The following FRMD4A variants were observed in gnomAD, a reference collection of about 807,000 sequenced individuals.
FRMD4A encodes the protein FERM domain-containing protein 4A.
A neutral mutation model predicts 129.1 loss-of-function variants in FRMD4A; 29 were observed. The observed-to-expected ratio is 0.22, with a 90% CI of 0.17 to 0.31. FRMD4A has a LOEUF of 0.31. Among genes scored for constraint, FRMD4A ranks in the 10% least tolerant of loss-of-function variants. The pLI is 1.00. For missense variants in FRMD4A, 1,272 were observed against 1,375.8 expected (o/e 0.92, Z 1.19); for synonymous variants, 634 against 571.6 (o/e 1.11, Z -1.56).
intron 2 of FRMD4A, among the ~76,000 whole-genome samples, chr10:14,272,763 T>C (rs1014263076): frequency 2.0e-5 from 3 of 152,202 alleles, no homozygotes; most frequent in Admixed American, 6.5e-5. Flanking sequence ...TCCTTGAAGG[T>C]GGTCAGGAAT....
chr10:14,048,372 T>A (rs1242008048), intron 2 of FRMD4A, among the ~76,000 whole-genome samples: 1 of 152,392 alleles, frequency 6.6e-6, no homozygotes, highest in African/African-American at 2.4e-5. Flanking sequence ...CGTCTCATTT[T>A]GTGGGACTGA....
At chr10:13,749,259 C>A (rs2091449180) in intron 8 of FRMD4A, among the ~76,000 whole-genome samples, 3 of 152,192 alleles carry the variant, frequency 2.0e-5, no homozygotes, top group Admixed American at 2.0e-4. Flanking sequence ...ATGTTAGCAG[C>A]TTCGAGGTTG....
At chr10:13,975,896 C>T (rs555228181) in intron 2 of FRMD4A, among the ~76,000 whole-genome samples, 1 of 152,272 alleles carries the variant, frequency 6.6e-6, no homozygotes, top group South Asian at 2.1e-4. Context: ...GTGACCTGGA[C>T]CGGTCTAACT....
intron 2 of FRMD4A, among the ~76,000 whole-genome samples, chr10:14,162,266 C>T (rs941027865): frequency 5.9e-5 from 9 of 152,162 alleles, no homozygotes; most frequent in African/African-American, 9.7e-5. Context: ...GATTCATTGG[C>T]CCCACCCAAG....
At chr10:14,251,747 C>T (rs1219359705) in intron 2 of FRMD4A, among the ~76,000 whole-genome samples, 2 of 152,146 alleles carry the variant, frequency 1.3e-5, no homozygotes, top group African/African-American at 2.4e-5. Context: ...GGAGTTCATA[C>T]CCCAGCTCCA....
intron 2 of FRMD4A, among the ~76,000 whole-genome samples, chr10:14,089,123 G>A (rs1458016841): frequency 6.6e-6 from 1 of 152,204 alleles, no homozygotes; most frequent in East Asian, 1.9e-4. Flanking sequence ...GATAAAATCA[G>A]CTGGGAAAGT....
rs79536570 is a variant in FRMD4A, at chr10:14,320,402, G to T, written c.45+9656C>A. On this transcript the variant is annotated intron_variant, in intron 2 of 24. Transcript: ENST00000357447. The stretch of plus-strand genomic sequence containing the variant: ...TGCCCTCCCCAACCCCACCCTTGGC[G>T]GTTTAACATTTCCTCCTGAATTTCC... Among the ~76,000 whole-genome samples the T allele has an allele frequency of 7.9e-5, 12 of 152,114 alleles. No homozygotes were observed. The East Asian group carries it at 2.1e-3, about 27-fold the overall frequency.
At chr10:13,964,935 C>T (rs1346708215) in intron 2 of FRMD4A, among the ~76,000 whole-genome samples, 1 of 152,146 alleles carries the variant, frequency 6.6e-6, no homozygotes. Flanking sequence ...CTGCCCGCCT[C>T]TGCCTCCCAA....
chr10:14,309,792 G>C (rs920055914), intron 2 of FRMD4A, among the ~76,000 whole-genome samples: 4 of 152,046 alleles, frequency 2.6e-5, no homozygotes, highest in African/African-American at 9.7e-5. Context: ...TCTTCCCAAC[G>C]TAGTCTTCTC....
intron 2 of FRMD4A, among the ~76,000 whole-genome samples, chr10:14,233,781 G>C (rs187331675): frequency 3.8e-4 from 58 of 152,374 alleles, no homozygotes; most frequent in African/African-American, 1.4e-3. Flanking sequence ...CAGCTGCAAT[G>C]AGGCTGCACA....
intron 12 of FRMD4A, among the ~76,000 whole-genome samples, chr10:13,717,481 T>G (rs997599562): frequency 2.0e-5 from 3 of 151,964 alleles, no homozygotes; most frequent in Non-Finnish European, 4.4e-5. Context: ...GCCTGGCTAA[T>G]TTTTGTATTT....
In FRMD4A at chr10:14,309,007, C is replaced by G. The variant is rs72780835; in HGVS notation, c.45+21051G>C. 5.4e-3 allele frequency among the ~76,000 whole-genome samples: 819 copies of G among 152,334 alleles called. 19 individuals carry two copies. The East Asian group carries it at 0.06, about 11-fold the overall frequency. ...AGTGGTATTTCCACTTAGACACCTG[C>G]CTTTCCTTCCGTCTCCGTTTTTGTT... is the stretch of plus-strand genomic sequence containing the variant. On this transcript the variant is annotated intron_variant, in intron 2 of 24. Coordinates refer to ENST00000357447, the MANE Select transcript of FRMD4A (RefSeq NM_018027.5).
intron 2 of FRMD4A, among the ~76,000 whole-genome samples, chr10:14,094,370 G>A (rs1836828586): frequency 6.6e-6 from 1 of 152,196 alleles, no homozygotes; most frequent in Non-Finnish European, 1.5e-5. Context: ...CCTGGGGGAC[G>A]ATCACAGAAC....
At chr10:14,069,856 G>A (rs776201646) in intron 2 of FRMD4A, among the ~76,000 whole-genome samples, 8 of 152,156 alleles carry the variant, frequency 5.3e-5, no homozygotes, top group Non-Finnish European at 1.2e-4. Flanking sequence ...AGCTTTTATA[G>A]AGAATTCTCC....
chr10:13,900,668 G>A (rs2094809111), intron 2 of FRMD4A, among the ~76,000 whole-genome samples: 3 of 152,170 alleles, frequency 2.0e-5, no homozygotes, highest in Non-Finnish European at 4.4e-5. Context: ...AGGTCGAGGT[G>A]GGTGGATCAA....
chr10:13,875,553 C>T (rs887647741), intron 2 of FRMD4A, among the ~76,000 whole-genome samples: 1 of 152,134 alleles, frequency 6.6e-6, no homozygotes, highest in African/African-American at 2.4e-5. Flanking sequence ...TGCTAGAAGC[C>T]CAGCATCGGA....
At chr10:14,117,263 G>A (rs1336226005) in intron 2 of FRMD4A, among the ~76,000 whole-genome samples, 1 of 152,232 alleles carries the variant, frequency 6.6e-6, no homozygotes. Flanking sequence ...CCTGAACAGA[G>A]CCTAGCATGT....
chr10:13,714,896 G>A (rs772222731), intron 12 of FRMD4A, among the ~76,000 whole-genome samples: 2 of 152,054 alleles, frequency 1.3e-5, no homozygotes, highest in African/African-American at 2.4e-5. Flanking sequence ...AAAATTAGCT[G>A]GGCGTGGTGG....
chr10:14,047,291 G>T (rs573845927), intron 2 of FRMD4A, among the ~76,000 whole-genome samples: 1 of 152,140 alleles, frequency 6.6e-6, no homozygotes, highest in African/African-American at 2.4e-5. Flanking sequence ...TATTGCCCAC[G>T]GTACCTGATG....
Sources: gnomAD v4.1 joint callset for allele counts (sites outside exome capture counted in the v4.1 genomes callset) on GRCh38, gnomAD v4.1.1 for gene constraint, MANE v1.5 for transcripts, NCBI Gene and HGNC (gene_info 2026-07-23, HGNC 2026-07-21) for gene names.